Variants in CCDC148 observed in about 807,000 individuals in gnomAD.
The protein encoded by CCDC148 is coiled-coil domain-containing protein 148.
A neutral mutation model predicts 85.7 loss-of-function variants in CCDC148; 89 were observed. That is an observed-to-expected ratio of 1.04 (90% confidence interval 0.87 to 1.24). The LOEUF (loss-of-function observed/expected upper bound fraction) is 1.24. CCDC148 is among the 50% of genes most tolerant of loss of function. CCDC148 has a pLI of 0.00. For synonymous variants in CCDC148, 230 were observed against 213.9 expected, an observed-to-expected ratio of 1.08 and a Z score of -0.66; for missense variants, 692 against 671.7, an observed-to-expected ratio of 1.03 and a Z score of -0.33.
chr2:158,197,824 T>C (rs1363467494), intron 11 of CCDC148, among the ~76,000 whole-genome samples: 11 of 152,176 alleles, frequency 7.2e-5, no homozygotes, highest in Admixed American at 7.2e-4. Flanking sequence ...TCTCTGGGTA[T>C]ATATTATAAT....
At chr2:158,400,169 A>G (rs1445362429) in intron 1 of CCDC148, among the ~76,000 whole-genome samples, 1 of 152,216 alleles carries the variant, frequency 6.6e-6, no homozygotes, top group African/African-American at 2.4e-5. Context: ...ATCCCCATCA[A>G]GCTACCACTG....
chr2:158,227,026 G>C (rs907224424), intron 10 of CCDC148, among the ~76,000 whole-genome samples: 10 of 152,214 alleles, frequency 6.6e-5, no homozygotes, highest in Admixed American at 4.6e-4. Context: ...GTCCCTGTTT[G>C]CAGATGACAT....
intron 1 of CCDC148, among the ~76,000 whole-genome samples, chr2:158,451,727 T>C (rs1031748417): frequency 1.3e-5 from 2 of 152,106 alleles, no homozygotes; most frequent in African/African-American, 4.8e-5. Context: ...AAAAATTCTT[T>C]TGCCTAACTC....
chr2:158,289,816 A>C, intron 9 of CCDC148, among the ~76,000 whole-genome samples: 1 of 152,240 alleles, frequency 6.6e-6, no homozygotes, highest in East Asian at 1.9e-4. Context: ...CCAAATGTCT[A>C]TCAACAGCAA....
intron 9 of CCDC148, among the ~76,000 whole-genome samples, chr2:158,257,523 T>C (rs181392094): frequency 2.0e-5 from 3 of 151,990 alleles, no homozygotes; most frequent in African/African-American, 7.2e-5. Flanking sequence ...GTACCTGTGA[T>C]TTTGGATGTT....
rs1247558341 is a variant in CCDC148, at chr2:158,328,916, C to G, written c.764+9810G>C. ...TTCATTGTAGATTCTGGATATTAGC[C>G]CTTTGTCAGATGAGTAGAATGCAAA... On this transcript the variant is annotated intron_variant, in intron 7 of 13. Coordinates refer to ENST00000283233, the MANE Select transcript of CCDC148 (RefSeq NM_138803.4). Among the ~76,000 whole-genome samples the G allele has an allele frequency of 3.4e-5, 4 of 119,394 alleles. No homozygotes were observed. In the East Asian group the frequency reaches 1.0e-3, roughly 31 times the overall value. The allele number at this position is 119,394 out of a possible 152,430, so 78.3% of individuals were successfully genotyped here.
In CCDC148 at chr2:158,340,278, T is replaced by C; in HGVS notation, c.450A>G (p.Pro150=). Residue 150 remains proline, a synonymous_variant, in exon 5 of 14, where the codon CCA becomes CCG. Transcript: ENST00000283233. ...RQHHTLQHSH[P]HIEFNSMKVL... ...CTTTCATGGAGTTAAACTCAATATG[T>C]GGGTGTGAATGCTGCAAAGTGTGAT... The C allele has an allele frequency of 1.2e-6, 2 of 1,613,908 alleles. No homozygotes were observed. Among genetic ancestry groups the C allele is most frequent in the Non-Finnish European group, 8.5e-7 (1 of 1,179,922 alleles).
chr2:158,407,823 T>C (rs986677414), intron 1 of CCDC148, among the ~76,000 whole-genome samples: 2 of 152,162 alleles, frequency 1.3e-5, no homozygotes, highest in African/African-American at 4.8e-5. Context: ...CATGCAGATT[T>C]CATCAACTTC....
At chr2:158,323,919 C>CTTTTTTTTTTTTTTTTTTTTT (rs777356867) in intron 7 of CCDC148, among the ~76,000 whole-genome samples, 2 of 82,946 alleles carry the variant, frequency 2.4e-5, no homozygotes, top group African/African-American at 4.2e-5. Context: ...CTGGGAATAA[C>CTTTTTTTTTTTTTTTTTTTTT]TTTTTTTTTT....
chr2:158,440,455 A>G (rs1687882889), intron 1 of CCDC148, among the ~76,000 whole-genome samples: 1 of 152,158 alleles, frequency 6.6e-6, no homozygotes, highest in African/African-American at 2.4e-5. Flanking sequence ...ATAAAGAAAT[A>G]AATACATGCA....
chr2:158,435,242 C>G (rs1295591885), intron 1 of CCDC148, among the ~76,000 whole-genome samples: 1 of 152,136 alleles, frequency 6.6e-6, no homozygotes, highest in East Asian at 1.9e-4. Context: ...GTTGGGTTAC[C>G]CACAAAGGGA....
chr2:158,424,488 G>A (rs1686974130), intron 1 of CCDC148, among the ~76,000 whole-genome samples: 1 of 151,858 alleles, frequency 6.6e-6, no homozygotes, highest in Non-Finnish European at 1.5e-5. Flanking sequence ...AACACCGCAT[G>A]TTCTCACTCA....
intron 1 of CCDC148, among the ~76,000 whole-genome samples, chr2:158,437,849 A>G (rs1356302357): frequency 2.0e-5 from 3 of 152,208 alleles, no homozygotes; most frequent in Non-Finnish European, 1.5e-5. Flanking sequence ...CAGAGAGCCA[A>G]ATTATGAGTG....
intron 11 of CCDC148, among the ~76,000 whole-genome samples, chr2:158,187,773 AACT>A (rs1490854629): frequency 2.6e-5 from 4 of 151,968 alleles, no homozygotes; most frequent in Middle Eastern, 3.2e-3. Flanking sequence ...TCAATTTAAA[AACT>A]ACTTCTGAGA....
intron 2 of CCDC148, among the ~76,000 whole-genome samples, chr2:158,352,758 C>A (rs915347070): frequency 2.6e-5 from 4 of 151,246 alleles, no homozygotes; most frequent in African/African-American, 9.7e-5. Context: ...AAGAGCAACT[C>A]CAAGACACAT....
intron 9 of CCDC148, among the ~76,000 whole-genome samples, chr2:158,283,878 A>G (rs1690475346): frequency 1.3e-5 from 2 of 152,114 alleles, no homozygotes; most frequent in Admixed American, 6.5e-5. Flanking sequence ...AACCAACCAA[A>G]ATGTCCAACA....
intron 11 of CCDC148, among the ~76,000 whole-genome samples, chr2:158,183,231 C>T (rs185848755): frequency 6.6e-6 from 1 of 152,118 alleles, no homozygotes. Flanking sequence ...TTTATTTAAG[C>T]CTCCAGGCCT....
At chr2:158,281,492 C>T (rs893137633) in intron 9 of CCDC148, among the ~76,000 whole-genome samples, 3 of 152,016 alleles carry the variant, frequency 2.0e-5, no homozygotes, top group South Asian at 2.1e-4. Context: ...GAGAGTAGTA[C>T]AAACACCTCT....
chr2:158,244,017 A>T (rs1521858), intron 10 of CCDC148, among the ~76,000 whole-genome samples: 1 of 151,968 alleles, frequency 6.6e-6, no homozygotes, highest in Non-Finnish European at 1.5e-5. Context: ...GATCCATCCT[A>T]ATTTTTCCAG....
Sources: allele counts gnomAD v4.1 joint callset (sites outside exome capture counted in the v4.1 genomes callset), GRCh38; gene constraint gnomAD v4.1.1; transcripts MANE v1.5; gene names NCBI Gene and HGNC (gene_info 2026-07-23, HGNC 2026-07-21).